The following ZFY variants were observed in gnomAD, a reference collection of about 807,000 sequenced individuals.
ZFY encodes the protein zinc finger Y-chromosomal protein.
For synonymous variants in ZFY, 47 were observed against 55.8 expected (o/e 0.84, Z 0.71); for missense variants, 113 against 170.9 (o/e 0.66, Z 1.89).
Position 2,979,940 on chromosome Y carries a change from T to A in ZFY, c.2353T>A (p.Ser785Thr). 2.5e-6 allele frequency: 1 copy of A among 398,952 alleles called. No homozygotes were observed. Residue 785 changes from serine to threonine, a missense_variant, in exon 8 of 8, where the codon TCA becomes ACA. By Grantham distance (58) the Ser-to-Thr change is moderately conservative. Coordinates refer to ENST00000155093, the MANE Select transcript of ZFY (RefSeq NM_003411.4). ...EYCKKGFRRP[S>T]EKNQHIMRHH... ...CTGCAAGAAAGGCTTCCGAAGACCT[T>A]CAGAAAAGAACCAGCACATAATGAG...
chrY:2,975,260 C>T lies in ZFY; in HGVS notation c.784+16C>T, dbSNP rs2051363113. 1 of 389,611 alleles carries T rather than the reference C, an allele frequency of 2.6e-6. No individual in the cohort carries two copies. The highest frequency in any genetic ancestry group is 3.6e-6 in the Non-Finnish European group (1 of 279,931). On this transcript the variant is annotated intron_variant, in intron 4 of 7. Transcript: ENST00000155093. ...GATGACTTAGGTAAGAGGAAGCTGTCAGCATTTTATACATTGTCATCCAAA... is the reference window on the plus strand; with the variant it reads ...GATGACTTAGGTAAGAGGAAGCTGTTAGCATTTTATACATTGTCATCCAAA...
At chrY:2,967,003 A>T in intron 3 of ZFY, 1 of 32,878 alleles carries the variant, frequency 3.0e-5, no homozygotes, top group Non-Finnish European at 7.5e-5. Flanking sequence ...GGATATACCC[A>T]AGAGAACTGA....
chrY:2,972,482 A>T (rs2051351158), intron 3 of ZFY, among the ~76,000 whole-genome samples: 1 of 33,477 alleles, frequency 3.0e-5, no homozygotes, highest in Non-Finnish European at 7.4e-5. Flanking sequence ...ATAGTTTTGG[A>T]TCTTTTGAAG....
chrY:2,967,000 C>T (rs2051330426), intron 3 of ZFY: 4 of 32,679 alleles, frequency 1.2e-4, no homozygotes, highest in Non-Finnish European at 3.0e-4. Context: ...TCTGGATATA[C>T]CCAAGAGAAC....
intron 3 of ZFY, among the ~76,000 whole-genome samples, chrY:2,969,092 A>G: frequency 2.9e-5 from 1 of 33,961 alleles, no homozygotes. Flanking sequence ...AAATGCAGCA[A>G]CTTAGGCAAG....
intron 2 of ZFY, among the ~76,000 whole-genome samples, chrY:2,957,651 A>G: frequency 6.0e-5 from 2 of 33,209 alleles, no homozygotes; most frequent in Non-Finnish European, 1.5e-4. Flanking sequence ...GTGCAAAGCC[A>G]CTTTACGTTT....
chrY:2,976,459 C>G, intron 5 of ZFY, among the ~76,000 whole-genome samples: 2 of 32,549 alleles, frequency 6.1e-5, no homozygotes, highest in African/African-American at 2.4e-4. Flanking sequence ...AAAAAATAAG[C>G]AGCGCTGTTG....
intron 2 of ZFY, among the ~76,000 whole-genome samples, chrY:2,955,141 CAT>C (rs2051289285): frequency 3.0e-5 from 1 of 33,253 alleles, no homozygotes; most frequent in Non-Finnish European, 7.4e-5. Context: ...TATCAAGTAA[CAT>C]ATTTTCAAGA....
At chrY:2,951,807 CAA>C (rs2051279229) in intron 1 of ZFY, among the ~76,000 whole-genome samples, 1 of 32,213 alleles carries the variant, frequency 3.1e-5, no homozygotes, top group Non-Finnish European at 7.6e-5. Context: ...ATCATATAAA[CAA>C]AGAGGTAGGA....
At chrY:2,941,562 G>A (rs1183821566) in intron 1 of ZFY, among the ~76,000 whole-genome samples, 3 of 28,527 alleles carry the variant, frequency 1.1e-4, no homozygotes, top group Non-Finnish European at 1.6e-4. Context: ...GTACAGTGGT[G>A]CAGTCTTGGC....
intron 1 of ZFY, among the ~76,000 whole-genome samples, chrY:2,950,874 G>T (rs530645781): frequency 1.2e-4 from 4 of 33,586 alleles, no homozygotes; most frequent in Admixed American, 2.7e-4. Flanking sequence ...TTTCTCACTT[G>T]TTTGAGCTCT....
intron 1 of ZFY, among the ~76,000 whole-genome samples, chrY:2,939,081 CATTT>C (rs2051232786): frequency 4.6e-5 from 1 of 21,866 alleles, no homozygotes; most frequent in Non-Finnish European, 1.0e-4. Context: ...TGAATTGTTG[CATTT>C]ATGCATTCTG....
chrY:2,968,528 C>T (rs9786575), intron 3 of ZFY, among the ~76,000 whole-genome samples: 5,907 of 30,938 alleles, frequency 0.19, no homozygotes, highest in African/African-American at 0.61. Flanking sequence ...TTAGCCAGGA[C>T]GGTCTCAATC....
chrY:2,975,102 T>C lies in ZFY; in HGVS notation c.642T>C (p.Asp214=). Residue 214 remains aspartate (D), a synonymous_variant, in exon 4 of 8, where the codon GAT becomes GAC. Transcript: ENST00000155093. ...TATTTTCTGCCTTTTCAGTGGATGA[T>C]GCTGGCAAAATAGAACATGATGGTT... ...CEDYLMISLD[D]AGKIEHDGST... 2.5e-6 allele frequency: 1 copy of C among 398,832 alleles called. No individual in the cohort carries two copies. Among genetic ancestry groups the C allele is most frequent in the Non-Finnish European group, 3.5e-6 (1 of 283,388 alleles).
At chrY:2,969,175 G>A (rs2051340305) in intron 3 of ZFY, among the ~76,000 whole-genome samples, 1 of 33,805 alleles carries the variant, frequency 3.0e-5, no homozygotes, top group Non-Finnish European at 7.3e-5. Context: ...ACAAAAGCTT[G>A]ATGGAAGTAT....
intron 2 of ZFY, among the ~76,000 whole-genome samples, chrY:2,955,134 C>T: frequency 3.0e-5 from 1 of 33,272 alleles, no homozygotes; most frequent in Non-Finnish European, 7.4e-5. Flanking sequence ...TTTGCCATAT[C>T]AAGTAACATA....
chrY:2,971,010 C>T (rs574921093), intron 3 of ZFY, among the ~76,000 whole-genome samples: 271 of 33,094 alleles, frequency 8.2e-3, no homozygotes, highest in African/African-American at 0.029. Flanking sequence ...TCATTCATTC[C>T]GTCTTCTCAG....
At chrY:2,963,381 AC>A (rs2051316682) in intron 3 of ZFY, among the ~76,000 whole-genome samples, 1 of 33,228 alleles carries the variant, frequency 3.0e-5, no homozygotes, top group Non-Finnish European at 7.5e-5. Context: ...TCACTGTTAC[AC>A]CCTAAGTGCT....
intron 3 of ZFY, among the ~76,000 whole-genome samples, chrY:2,972,293 G>C: frequency 3.0e-5 from 1 of 33,015 alleles, no homozygotes; most frequent in Admixed American, 2.8e-4. Context: ...GCTTTTAGTA[G>C]CCCAGTGTTT....
Sources: allele counts gnomAD v4.1 joint callset (sites outside exome capture counted in the v4.1 genomes callset), GRCh38; gene constraint gnomAD v4.1.1; transcripts MANE v1.5; gene names NCBI Gene and HGNC (gene_info 2026-07-23, HGNC 2026-07-21).